SEZ6L: variants seen among roughly 807,000 people sequenced by gnomAD.
SEZ6L encodes seizure 6-like protein.
SEZ6L carries 37 observed loss-of-function variants against 106.2 expected under a neutral mutation model. The observed-to-expected ratio is 0.35, with a 90% confidence interval of 0.27 to 0.46. SEZ6L has a LOEUF of 0.46. Ranked by LOEUF, SEZ6L falls within the 20% of genes least tolerant of loss-of-function variation. The probability of loss-of-function intolerance (pLI) is 1.00; values close to 1 mark genes in which losing one functional copy is unlikely to be tolerated. For synonymous variants in SEZ6L, 541 were observed against 570.4 expected (o/e 0.95, Z 0.73); for missense variants, 1,172 against 1,332.8 (o/e 0.88, Z 1.88).
At chr22:26,338,671 T>C (rs902267946) in intron 9 of SEZ6L, among the ~76,000 whole-genome samples, 5 of 152,106 alleles carry the variant, frequency 3.3e-5, no homozygotes, top group Non-Finnish European at 2.9e-5. Context: ...GCAATTCTCC[T>C]GCCTCAGCCT....
chr22:26,189,577 T>TATTGGTAAAAACC (rs199934372), intron 1 of SEZ6L, among the ~76,000 whole-genome samples: 2,110 of 152,284 alleles, frequency 0.014, 51 homozygotes, highest in African/African-American at 0.048. Flanking sequence ...CAATATACTA[T>TATTGGTAAAAACC]AACAACTATT....
At chr22:26,176,192 A>T (rs1046018260) in intron 1 of SEZ6L, among the ~76,000 whole-genome samples, 1 of 152,366 alleles carries the variant, frequency 6.6e-6, no homozygotes, top group South Asian at 2.1e-4. Context: ...CGGTACAAGC[A>T]CTTGCTCAGG....
At chr22:26,259,864 T>C (rs549716682) in intron 1 of SEZ6L, among the ~76,000 whole-genome samples, 39 of 152,334 alleles carry the variant, frequency 2.6e-4, no homozygotes, top group African/African-American at 9.1e-4. Flanking sequence ...TTATGTGCTA[T>C]TAAAGAAAAA....
At chr22:26,189,941 CA>C (rs1028044741) in intron 1 of SEZ6L, among the ~76,000 whole-genome samples, 2 of 151,830 alleles carry the variant, frequency 1.3e-5, no homozygotes, top group Admixed American at 6.6e-5. Context: ...ACTAAAAATA[CA>C]AAAAATTAGC....
At chr22:26,338,185 C>A (rs1015103674) in intron 9 of SEZ6L, among the ~76,000 whole-genome samples, 1 of 152,162 alleles carries the variant, frequency 6.6e-6, no homozygotes, top group African/African-American at 2.4e-5. Flanking sequence ...CGTATAAAAC[C>A]CTTCAGTGTC....
intron 12 of SEZ6L, among the ~76,000 whole-genome samples, chr22:26,351,767 G>A (rs2083290792): frequency 6.6e-6 from 1 of 152,020 alleles, no homozygotes; most frequent in Non-Finnish European, 1.5e-5. Flanking sequence ...GGCTGGTCTT[G>A]AACTCTTGAT....
chr22:26,300,051 T>C (rs532965698), intron 5 of SEZ6L, among the ~76,000 whole-genome samples: 1 of 152,366 alleles, frequency 6.6e-6, no homozygotes, highest in South Asian at 2.1e-4. Flanking sequence ...CTCATGGTTT[T>C]AGTTTCCATT....
At chr22:26,278,363 T>C (rs779550236) in intron 1 of SEZ6L, among the ~76,000 whole-genome samples, 2 of 152,218 alleles carry the variant, frequency 1.3e-5, no homozygotes, top group African/African-American at 2.4e-5. Context: ...ACGATGAAGT[T>C]TGGGCTTCTA....
chr22:26,221,176 C>T (rs900833716), intron 1 of SEZ6L, among the ~76,000 whole-genome samples: 13 of 152,040 alleles, frequency 8.6e-5, no homozygotes, highest in African/African-American at 3.1e-4. Context: ...TAGCTTACCC[C>T]CTGGCCTTAT....
chr22:26,310,606 C>T, intron 6 of SEZ6L, 64 bp from the exon 7 acceptor site: 1 of 1,572,040 alleles, frequency 6.4e-7, no homozygotes, highest in Non-Finnish European at 8.7e-7. Flanking sequence ...CACATCCCTT[C>T]CTCTGCCATG....
chr22:26,313,645 T>A, intron 8 of SEZ6L, 119 bp from the exon 9 acceptor site: 1 of 1,183,612 alleles, frequency 8.4e-7, no homozygotes, highest in Non-Finnish European at 1.2e-6. Flanking sequence ...TGAAGACACC[T>A]GTCCACAGTA....
intron 1 of SEZ6L, among the ~76,000 whole-genome samples, chr22:26,206,391 G>C (rs1379594103): frequency 1.3e-5 from 2 of 152,138 alleles, no homozygotes; most frequent in East Asian, 3.8e-4. Context: ...ATTGAATTAA[G>C]TGCTTACTAT....
chr22:26,264,808 A>T (rs1165566088), intron 1 of SEZ6L, among the ~76,000 whole-genome samples: 1 of 152,188 alleles, frequency 6.6e-6, no homozygotes, highest in African/African-American at 2.4e-5. Flanking sequence ...CTTTAAACCC[A>T]TGGATTTTCT....
intron 1 of SEZ6L, among the ~76,000 whole-genome samples, chr22:26,285,378 C>T (rs753534403): frequency 3.3e-5 from 5 of 152,212 alleles, no homozygotes; most frequent in Non-Finnish European, 7.3e-5. Flanking sequence ...TTCTCCAACC[C>T]TCAAATTCAA....
intron 1 of SEZ6L, among the ~76,000 whole-genome samples, chr22:26,189,132 T>G (rs1569363705): frequency 6.6e-6 from 1 of 152,044 alleles, no homozygotes; most frequent in African/African-American, 2.4e-5. Flanking sequence ...CAATAGTCAA[T>G]TAAAATTGAT....
At chr22:26,306,737 T>G (rs1291553363) in intron 6 of SEZ6L, among the ~76,000 whole-genome samples, 1 of 152,254 alleles carries the variant, frequency 6.6e-6, no homozygotes, top group Non-Finnish European at 1.5e-5. Context: ...GATCTTATTC[T>G]AGAAATTATG....
intron 1 of SEZ6L, among the ~76,000 whole-genome samples, chr22:26,254,400 G>A (rs1052047872): frequency 1.4e-4 from 22 of 152,050 alleles, no homozygotes; most frequent in African/African-American, 4.6e-4. Context: ...AAGCAGAAAC[G>A]GAGAGCAGGA....
Position 26,293,232 on chromosome 22 carries a change from A to G in SEZ6L, c.835+86A>G, listed in dbSNP as rs987726940. 3.2e-5 allele frequency: 46 copies of G among 1,437,138 alleles called. 1 individual carries two copies. The highest frequency in any genetic ancestry group is 2.0e-4 in the East Asian group (8 of 39,962). The allele number at this position is 1,437,138 out of a possible 1,614,324, so 89.0% of individuals were successfully genotyped here. On this transcript the variant is annotated intron_variant, in intron 2 of 16. Transcript: ENST00000248933. ...AGGGCATGTGGGTAGAGGAATCTCA[A>G]GAAGCCCCGGCCCCACCATCAGTTA...
At chr22:26,174,243 C>T (rs898500874) in intron 1 of SEZ6L, among the ~76,000 whole-genome samples, 1 of 152,154 alleles carries the variant, frequency 6.6e-6, no homozygotes, top group African/African-American at 2.4e-5. Context: ...AGCATTTGAA[C>T]TGGCCCTGAA....
Sources: gnomAD v4.1 joint callset for allele counts (sites outside exome capture counted in the v4.1 genomes callset) on GRCh38, gnomAD v4.1.1 for gene constraint, MANE v1.5 for transcripts, NCBI Gene and HGNC (gene_info 2026-07-23, HGNC 2026-07-21) for gene names.